The following ARID2 variants were observed in gnomAD, a reference collection of about 807,000 sequenced individuals.
The protein encoded by ARID2 is AT-rich interaction domain 2.
ARID2 carries 32 observed loss-of-function variants against 184.6 expected under a neutral mutation model. The observed-to-expected ratio is 0.17, with a 90% CI of 0.13 to 0.23. The LOEUF is 0.23. Among genes scored for constraint, ARID2 ranks in the 10% least tolerant of loss-of-function variants. The pLI is 1.00. For missense variants in ARID2, 1,696 were observed against 2,197.6 expected (o/e 0.77, Z 4.56); for synonymous variants, 836 against 772.6 (o/e 1.08, Z -1.36).
rs2138082766 is a variant in ARID2 at position 45,811,496 on chromosome 12, G to A, written c.363G>A (p.Gln121=). 2 of 1,613,948 alleles carry A rather than the reference G, an allele frequency of 1.2e-6. No homozygotes were observed. The highest frequency in any genetic ancestry group is 1.7e-6 in the Non-Finnish European group (2 of 1,179,872). ...TACCACCAGGCAATCCAAAGCCACAGCTTCCTATTGGTGCAATTCCATCTT... is the reference window on the plus strand; with the variant it reads ...TACCACCAGGCAATCCAAAGCCACAACTTCCTATTGGTGCAATTCCATCTT... ...DEVPPGNPKP[Q]LPIGAIPSSY... The change falls in exon 4 of 21, where the codon CAG becomes CAA. Residue 121 remains glutamine (Q), a synonymous_variant. Transcript: ENST00000334344.
At chr12:45,797,969 T>C (rs1232363954) in intron 3 of ARID2, among the ~76,000 whole-genome samples, 3 of 152,088 alleles carry the variant, frequency 2.0e-5, no homozygotes, top group Non-Finnish European at 4.4e-5. Context: ...GTCTCTACTA[T>C]GAGGCTAACT....
intron 3 of ARID2, among the ~76,000 whole-genome samples, chr12:45,758,836 C>T (rs1941619700): frequency 6.6e-6 from 1 of 152,160 alleles, no homozygotes; most frequent in African/African-American, 2.4e-5. Context: ...CTTTTCTATT[C>T]ACATTCCACT....
At position 45,768,142 on chromosome 12, in the gene ARID2, A is replaced by G. The variant is rs77783090; in HGVS notation, c.284+36828A>G. ...TTCACTCCAGACTGGTGCAGCCAAG[A>G]ACACAAGATTACCTGTTCCTTTATT... On this transcript the variant is annotated intron_variant, in intron 3 of 20. Transcript: ENST00000334344. Among the ~76,000 whole-genome samples the G allele has an allele frequency of 7.9e-3, 1,205 of 152,330 alleles. 12 individuals carry two copies. Among genetic ancestry groups the G allele is most frequent in the African/African-American group, 0.028 (1,144 of 41,572 alleles).
chr12:45,757,678 G>T (rs1203752054), intron 3 of ARID2, among the ~76,000 whole-genome samples: 1 of 152,154 alleles, frequency 6.6e-6, no homozygotes, highest in Non-Finnish European at 1.5e-5. Flanking sequence ...GCATAGTAGG[G>T]TGCCTTGAGA....
intron 3 of ARID2, among the ~76,000 whole-genome samples, chr12:45,785,623 G>A (rs951639475): frequency 6.6e-6 from 1 of 152,062 alleles, no homozygotes; most frequent in African/African-American, 2.4e-5. Context: ...CTTTATGAAT[G>A]CCAACATGAC....
intron 16 of ARID2, among the ~76,000 whole-genome samples, chr12:45,891,316 T>A (rs1367702427): frequency 6.6e-6 from 1 of 152,242 alleles, no homozygotes; most frequent in Non-Finnish European, 1.5e-5. Context: ...TTCTTCAGTT[T>A]TGTGTGCTTT....
intron 3 of ARID2, among the ~76,000 whole-genome samples, chr12:45,783,458 A>G (rs1942134705): frequency 6.6e-6 from 1 of 152,222 alleles, no homozygotes; most frequent in Non-Finnish European, 1.5e-5. Context: ...CATTATGCTC[A>G]ATGGTGAAAT....
chr12:45,823,387 T>G (rs1287434423), intron 6 of ARID2, among the ~76,000 whole-genome samples: 2 of 151,920 alleles, frequency 1.3e-5, no homozygotes, highest in African/African-American at 2.4e-5. Flanking sequence ...TGATACACCT[T>G]AAGGAACTAG....
At chr12:45,877,852 T>C (rs1399289554) in intron 16 of ARID2, among the ~76,000 whole-genome samples, 1 of 152,242 alleles carries the variant, frequency 6.6e-6, no homozygotes, top group African/African-American at 2.4e-5. Context: ...AAATTCAAGT[T>C]TTGACCTCTA....
Position 45,904,507 on chromosome 12 carries a change from A to G in ARID2, c.5364-427A>G, listed in dbSNP as rs144562790. 843 of 480,682 alleles carry G rather than the reference A, an allele frequency of 1.8e-3. 5 individuals are homozygous for G. Among genetic ancestry groups the G allele is most frequent in the African/African-American group, 0.016 (772 of 49,202 alleles). The allele number at this position is 480,682 out of a possible 1,614,324, so 29.8% of individuals were successfully genotyped here. A position where few individuals can be genotyped will look rare whatever the true frequency, so the allele number is the denominator to read the frequency against. ...AGAGATCGAGACCGTCCTGGCCAAC[A>G]TGGTGAAACCCCGTCTCTACTAAAA... On this transcript the variant is annotated intron_variant, in intron 20 of 20. Transcript: ENST00000334344.
At chr12:45,875,332 AAC>A (rs1943993690) in intron 16 of ARID2, among the ~76,000 whole-genome samples, 1 of 152,208 alleles carries the variant, frequency 6.6e-6, no homozygotes, top group Non-Finnish European at 1.5e-5. Flanking sequence ...ATACTCAGTA[AAC>A]CATGCTGTAA....
chr12:45,847,366 A>G (rs1189829759), intron 12 of ARID2, among the ~76,000 whole-genome samples: 1 of 152,088 alleles, frequency 6.6e-6, no homozygotes, highest in Non-Finnish European at 1.5e-5. Context: ...CATCTAAAAC[A>G]AAACTTCTTA....
At chr12:45,741,029 T>A (rs2193749) in intron 3 of ARID2, among the ~76,000 whole-genome samples, 1 of 151,930 alleles carries the variant, frequency 6.6e-6, no homozygotes, top group African/African-American at 2.4e-5. Flanking sequence ...ATGAAACTAT[T>A]TTGCTTACCA....
At chr12:45,822,505 A>C (rs1942916741) in intron 6 of ARID2, among the ~76,000 whole-genome samples, 1 of 152,122 alleles carries the variant, frequency 6.6e-6, no homozygotes, top group Admixed American at 6.6e-5. Flanking sequence ...GTGCCACTGC[A>C]CTCTAGTCTG....
Position 45,850,020 on chromosome 12 carries a change from T to G in ARID2, c.1913-16T>G. ...TCATTTCATTTGGAATTTTGACGTTTTCTTCATATTTTCAGGAATCCCTCA... is the reference window on the plus strand; with the variant it reads ...TCATTTCATTTGGAATTTTGACGTTGTCTTCATATTTTCAGGAATCCCTCA... On this transcript the variant is annotated splice_polypyrimidine_tract_variant and intron_variant, in intron 14 of 20. Transcript: ENST00000334344. The G allele has an allele frequency of 2.6e-6, 4 of 1,566,784 alleles. No homozygotes were observed. The highest frequency in any genetic ancestry group is 3.5e-6 in the Non-Finnish European group (4 of 1,159,004).
intron 2 of ARID2, among the ~76,000 whole-genome samples, chr12:45,730,976 AAAC>A: frequency 6.6e-6 from 1 of 151,826 alleles, no homozygotes; most frequent in Admixed American, 6.6e-5. Flanking sequence ...TTCAAAAACA[AAAC>A]AAACCCACCA....
At chr12:45,857,394 TTTG>T (rs1943668774) in intron 15 of ARID2, among the ~76,000 whole-genome samples, 2 of 152,176 alleles carry the variant, frequency 1.3e-5, no homozygotes, top group Non-Finnish European at 2.9e-5. Flanking sequence ...GAATATCACT[TTTG>T]TTTTTCTAAG....
At chr12:45,730,241 G>A (rs1436583314) in intron 2 of ARID2, 104 bp downstream of exon 2, 2 of 1,083,348 alleles carry the variant, frequency 1.8e-6, no homozygotes, top group East Asian at 2.9e-5. Context: ...GGCCCGCGGG[G>A]GCAAAAGGCG....
intron 3 of ARID2, among the ~76,000 whole-genome samples, chr12:45,731,610 G>C (rs1941001887): frequency 6.6e-6 from 1 of 152,132 alleles, no homozygotes; most frequent in Non-Finnish European, 1.5e-5. Context: ...TACCCACTGA[G>C]GGGCAGAAAG....
Sources: allele counts gnomAD v4.1 joint callset (sites outside exome capture counted in the v4.1 genomes callset), GRCh38; gene constraint gnomAD v4.1.1; transcripts MANE v1.5; gene names NCBI Gene and HGNC (gene_info 2026-07-23, HGNC 2026-07-21).